Variants in ANKRD11 observed in about 807,000 individuals in gnomAD.
The protein encoded by ANKRD11 is ankyrin repeat domain 11.
In ANKRD11, 17 loss-of-function variants were observed where a neutral mutation model predicts 195.7. The ratio of observed to expected loss-of-function variants is 0.09; its 90% CI spans 0.06 to 0.13. The LOEUF is 0.13. Among genes scored for constraint, ANKRD11 ranks in the 10% least tolerant of loss-of-function variants. The probability of loss-of-function intolerance (pLI) is 1.00; values close to 1 mark genes in which losing one functional copy is unlikely to be tolerated. For synonymous variants in ANKRD11, 1,953 were observed against 1,528.1 expected, an observed-to-expected ratio of 1.28 and a Z score of -6.49; for missense variants, 3,735 against 3,566.1, an observed-to-expected ratio of 1.05 and a Z score of -1.21.
At chr16:89,397,291 C>CT (rs1427058782) in intron 2 of ANKRD11, among the ~76,000 whole-genome samples, 1 of 152,244 alleles carries the variant, frequency 6.6e-6, no homozygotes, top group Non-Finnish European at 1.5e-5. Context: ...CAAGAACCCC[C>CT]TCAGGGCAAG....
At chr16:89,379,849 A>C (rs966731074) in intron 2 of ANKRD11, among the ~76,000 whole-genome samples, 1 of 152,258 alleles carries the variant, frequency 6.6e-6, no homozygotes, top group African/African-American at 2.4e-5. Flanking sequence ...TTTCCCAAAA[A>C]ATATAATTTT....
intron 1 of ANKRD11, among the ~76,000 whole-genome samples, chr16:89,465,497 G>A (rs949590091): frequency 6.6e-6 from 1 of 152,154 alleles, no homozygotes; most frequent in Admixed American, 6.5e-5. Context: ...GCCTTTCTGT[G>A]CCACACCGCC....
intron 1 of ANKRD11, among the ~76,000 whole-genome samples, chr16:89,466,958 A>G (rs996271221): frequency 4.6e-5 from 7 of 152,178 alleles, no homozygotes; most frequent in African/African-American, 1.4e-4. Flanking sequence ...GACCACCCCT[A>G]CCCTGTCAGT....
chr16:89,447,808 T>C (rs1046284225), intron 1 of ANKRD11, among the ~76,000 whole-genome samples: 3 of 147,568 alleles, frequency 2.0e-5, no homozygotes, highest in African/African-American at 5.2e-5. Context: ...CTTTTTCTTT[T>C]TTTTTTTTTT....
At chr16:89,377,431 C>G (rs1177860725) in intron 2 of ANKRD11, among the ~76,000 whole-genome samples, 1 of 151,030 alleles carries the variant, frequency 6.6e-6, no homozygotes, top group East Asian at 1.9e-4. Flanking sequence ...GGGTTTACAA[C>G]AGCCAATCAA....
At chr16:89,325,159 G>A (rs780400448) in intron 2 of ANKRD11, 2 of 152,614 alleles carry the variant, frequency 1.3e-5, no homozygotes, top group Non-Finnish European at 2.9e-5. Context: ...CTTCATAGCA[G>A]TGGGGTTTGC....
At chr16:89,426,895 T>G (rs1197392423) in intron 1 of ANKRD11, among the ~76,000 whole-genome samples, 1 of 152,212 alleles carries the variant, frequency 6.6e-6, no homozygotes, top group Non-Finnish European at 1.5e-5. Flanking sequence ...CTCACAACAC[T>G]CATCTGTTCT....
intron 4 of ANKRD11, chr16:89,301,700 G>A (rs1283483014): frequency 2.5e-6 from 1 of 398,606 alleles, no homozygotes; most frequent in Non-Finnish European, 4.4e-6. Flanking sequence ...CCAGGCTGCT[G>A]TGCAGGGACC....
intron 1 of ANKRD11, among the ~76,000 whole-genome samples, chr16:89,453,550 C>T (rs1225687175): frequency 6.6e-6 from 1 of 152,154 alleles, no homozygotes; most frequent in Non-Finnish European, 1.5e-5. Context: ...AAGCTGCTTG[C>T]CAGCTGACCA....
In ANKRD11 at chr16:89,284,050, A is replaced by C; in HGVS notation, c.2492T>G (p.Phe831Cys). The C allele has an allele frequency of 6.2e-7, 1 of 1,614,136 alleles. No homozygotes were observed. The highest frequency in any genetic ancestry group is 8.5e-7 in the Non-Finnish European group (1 of 1,180,026). ...ATCTCGCTGATCGTCAGAAAGGCTA[A>C]ATTTGGTGTCTTCATTCTCCAGAAA... is the stretch of plus-strand genomic sequence containing the variant. ...NQFLENEDTK[F>C]SLSDDQRDRW... is the part of the protein sequence containing the mutation. The change falls in exon 9 of 13, where the codon TTT (phenylalanine) becomes TGT (cysteine). Residue 831 changes from phenylalanine (F) to cysteine (C), a missense_variant. Physicochemically the swap from Phe to Cys is radical, Grantham distance 205. Transcript: ENST00000301030.
intron 3 of ANKRD11, among the ~76,000 whole-genome samples, chr16:89,314,229 G>C (rs1466576971): frequency 6.6e-6 from 1 of 152,008 alleles, no homozygotes; most frequent in Admixed American, 6.6e-5. Flanking sequence ...ACTCCACCCT[G>C]GGTGACAGAG....
At chr16:89,383,300 AC>A (rs1433288608) in intron 2 of ANKRD11, among the ~76,000 whole-genome samples, 1 of 152,036 alleles carries the variant, frequency 6.6e-6, no homozygotes, top group Non-Finnish European at 1.5e-5. Context: ...TTTCCAGGGA[AC>A]CCCTCCTAGC....
At chr16:89,468,684 G>A (rs1471295313) in intron 1 of ANKRD11, among the ~76,000 whole-genome samples, 1 of 152,112 alleles carries the variant, frequency 6.6e-6, no homozygotes, top group Non-Finnish European at 1.5e-5. Context: ...TCCAGCCTGG[G>A]CAACAGAGTA....
intron 1 of ANKRD11, among the ~76,000 whole-genome samples, chr16:89,479,368 C>G (rs1278009736): frequency 6.6e-6 from 1 of 152,190 alleles, no homozygotes; most frequent in African/African-American, 2.4e-5. Flanking sequence ...CGCAGTGGCT[C>G]ACACCTGCAA....
chr16:89,463,194 C>T (rs989243335), intron 1 of ANKRD11, among the ~76,000 whole-genome samples: 12 of 152,196 alleles, frequency 7.9e-5, no homozygotes, highest in Admixed American at 5.2e-4. Context: ...TCATTGAGAA[C>T]GGGCCATGAT....
chr16:89,306,155 A>G (rs62070787), intron 3 of ANKRD11, among the ~76,000 whole-genome samples: 74 of 30,070 alleles, frequency 2.5e-3, no homozygotes, highest in Admixed American at 3.8e-3. Flanking sequence ...GCAGACACGC[A>G]CCACCTCCCA....
At chr16:89,472,543 G>A (rs992728097) in intron 1 of ANKRD11, among the ~76,000 whole-genome samples, 7 of 152,182 alleles carry the variant, frequency 4.6e-5, no homozygotes, top group African/African-American at 7.2e-5. Flanking sequence ...TATTTGAGAT[G>A]AGCTCTTGCT....
At chr16:89,487,352 T>G (rs2057653486) in intron 1 of ANKRD11, among the ~76,000 whole-genome samples, 1 of 152,270 alleles carries the variant, frequency 6.6e-6, no homozygotes, top group Non-Finnish European at 1.5e-5. Context: ...GATTATTTTC[T>G]GAGCCAGCAT....
At chr16:89,313,616 T>C in intron 3 of ANKRD11, 1 of 1,286,910 alleles carries the variant, frequency 7.8e-7, no homozygotes, top group Non-Finnish European at 1.0e-6. Flanking sequence ...TTTGATAACA[T>C]AAAGCTATAT....
Sources: allele counts gnomAD v4.1 joint callset (sites outside exome capture counted in the v4.1 genomes callset), GRCh38; gene constraint gnomAD v4.1.1; transcripts MANE v1.5; gene names NCBI Gene and HGNC (gene_info 2026-07-23, HGNC 2026-07-21).